The following CHD9 variants were observed in gnomAD, a reference collection of about 807,000 sequenced individuals.
The protein encoded by CHD9 is chromodomain helicase DNA binding protein 9.
A neutral mutation model predicts 316.1 loss-of-function variants in CHD9; 77 were observed. The ratio of observed to expected loss-of-function variants is 0.24; its 90% CI spans 0.20 to 0.29. CHD9 has a LOEUF of 0.29. CHD9 is among the 10% of genes least tolerant of loss of function. CHD9 has a pLI of 1.00. For synonymous variants in CHD9, 1,129 were observed against 1,158.3 expected, an observed-to-expected ratio of 0.97 and a Z score of 0.51; for missense variants, 2,763 against 3,438.1, an observed-to-expected ratio of 0.80 and a Z score of 4.91.
At chr16:53,282,177 A>G (rs1244250877) in intron 24 of CHD9, among the ~76,000 whole-genome samples, 1 of 152,072 alleles carries the variant, frequency 6.6e-6, no homozygotes, top group African/African-American at 2.4e-5. Context: ...TTGGATTTTA[A>G]CATGTTTACA....
At chr16:53,146,176 A>G (rs2040556941) in intron 1 of CHD9, among the ~76,000 whole-genome samples, 1 of 148,900 alleles carries the variant, frequency 6.7e-6, no homozygotes, top group African/African-American at 2.5e-5. Flanking sequence ...TCATGAGGCC[A>G]GGAGTTCGAG....
chr16:53,269,913 A>G (rs2052071868), intron 22 of CHD9, among the ~76,000 whole-genome samples: 1 of 152,120 alleles, frequency 6.6e-6, no homozygotes, highest in South Asian at 2.1e-4. Context: ...ATCCTGCTCA[A>G]AATATTGTAG....
chr16:53,261,053 G>C (rs1021286499), intron 19 of CHD9, among the ~76,000 whole-genome samples: 1 of 140,704 alleles, frequency 7.1e-6, no homozygotes, highest in Non-Finnish European at 1.5e-5. Context: ...TACAAAATTA[G>C]TTTTTCAGTA....
intron 1 of CHD9, among the ~76,000 whole-genome samples, chr16:53,124,785 A>T (rs1388249758): frequency 2.0e-5 from 3 of 152,012 alleles, no homozygotes; most frequent in Admixed American, 6.6e-5. Flanking sequence ...CAGCCTCGTG[A>T]GACTTACTAT....
chr16:53,305,661 A>G (rs897098813), intron 31 of CHD9, among the ~76,000 whole-genome samples: 10 of 152,216 alleles, frequency 6.6e-5, no homozygotes, highest in African/African-American at 2.4e-4. Flanking sequence ...AATGCTTGTC[A>G]GCAGAACAGT....
chr16:53,150,563 T>C (rs2041017714), intron 1 of CHD9, among the ~76,000 whole-genome samples: 2 of 152,214 alleles, frequency 1.3e-5, no homozygotes, highest in African/African-American at 4.8e-5. Flanking sequence ...TATAATTACC[T>C]TTAGCAGCAT....
chr16:53,106,473 C>T (rs954080432), intron 1 of CHD9, among the ~76,000 whole-genome samples: 3 of 152,190 alleles, frequency 2.0e-5, no homozygotes, highest in African/African-American at 7.2e-5. Flanking sequence ...AGCTGGAAGG[C>T]AGTGCTTAAA....
At chr16:53,202,193 A>G (rs1291511193) in intron 2 of CHD9, among the ~76,000 whole-genome samples, 1 of 152,042 alleles carries the variant, frequency 6.6e-6, no homozygotes, top group African/African-American at 2.4e-5. Context: ...CAACTACAAA[A>G]CCAGTTTCAC....
In CHD9 at chr16:53,157,041, A is replaced by C. The variant is rs2041567994; in HGVS notation, c.952A>C (p.Lys318Gln). The change falls in exon 2 of 39, where the codon AAG becomes CAG. Residue 318 changes from lysine to glutamine, a missense_variant. Transcript: ENST00000447540. ...SNSFSPHRGI[K>Q]QESTQHILNP... is the part of the protein sequence containing the mutation. ...TTCCTTTTCACCTCATAGAGGAATCAAGCAAGAATCTACTCAGCATATCCT... is the reference window on the plus strand; with the variant it reads ...TTCCTTTTCACCTCATAGAGGAATCCAGCAAGAATCTACTCAGCATATCCT... The C allele has an allele frequency of 6.2e-7, 1 of 1,613,180 alleles. No individual in the cohort carries two copies.
rs767442053 is a variant in CHD9, at chr16:53,180,028, C to CT, written c.1452+22503dup. Among the ~76,000 whole-genome samples the CT allele has an allele frequency of 5.1e-3, 685 of 135,548 alleles. 15 individuals carry two copies. Among genetic ancestry groups the CT allele is most frequent in the Middle Eastern group, 0.035 (9 of 254 alleles). 88.9% of individuals were successfully genotyped at this position (135,548 alleles called of 152,430 possible). A position where few individuals can be genotyped will look rare whatever the true frequency, so the allele number is the denominator to read the frequency against. ...AGTTCTTGAATTGTTACCTTACCTT[C>CT]TTTTTTTTTTTTTTTTGAGACTGAG... On this transcript the variant is annotated intron_variant, in intron 2 of 38. Coordinates refer to ENST00000447540, the MANE Select transcript of CHD9 (RefSeq NM_001308319.2).
At chr16:53,199,204 C>G (rs934659720) in intron 2 of CHD9, among the ~76,000 whole-genome samples, 1 of 152,086 alleles carries the variant, frequency 6.6e-6, no homozygotes, top group African/African-American at 2.4e-5. Context: ...GTCATAGTTA[C>G]ACTTTTATTA....
chr16:53,305,010 G>A lies in CHD9; in HGVS notation c.6619+385G>A, dbSNP rs1352672778. Among the ~76,000 whole-genome samples the A allele has an allele frequency of 2.7e-5, 4 of 150,800 alleles. No individual in the cohort carries two copies. The East Asian group carries it at 8.0e-4, about 30-fold the overall frequency. ...GGCCTGGCCTAATATAACTTTTCAA[G>A]TGAAAATGAAAAGAACTCGTTTCAG... On this transcript the variant is annotated intron_variant, in intron 31 of 38. Transcript: ENST00000447540.
chr16:53,194,361 G>C (rs376360849), intron 2 of CHD9, among the ~76,000 whole-genome samples: 6 of 152,184 alleles, frequency 3.9e-5, no homozygotes, highest in East Asian at 3.9e-4. Flanking sequence ...GGATCACTGA[G>C]CCCAGGAGTT....
intron 1 of CHD9, among the ~76,000 whole-genome samples, chr16:53,110,318 G>A (rs1010600888): frequency 6.6e-6 from 1 of 152,322 alleles, no homozygotes; most frequent in South Asian, 2.1e-4. Context: ...TTGGCTGGGT[G>A]CAGTGCCTCA....
intron 1 of CHD9, among the ~76,000 whole-genome samples, chr16:53,118,735 A>G (rs2038505541): frequency 6.6e-6 from 1 of 152,062 alleles, no homozygotes; most frequent in South Asian, 2.1e-4. Context: ...TAGATATCAT[A>G]ATGATGTCTT....
chr16:53,112,595 A>G (rs912304320), intron 1 of CHD9, among the ~76,000 whole-genome samples: 2 of 152,232 alleles, frequency 1.3e-5, no homozygotes, highest in Non-Finnish European at 1.5e-5. Context: ...ATCCTAAGTC[A>G]ATATTTTTAA....
At chr16:53,148,434 A>G (rs1349699357) in intron 1 of CHD9, among the ~76,000 whole-genome samples, 1 of 151,906 alleles carries the variant, frequency 6.6e-6, no homozygotes, top group Non-Finnish European at 1.5e-5. Context: ...CCACCACACT[A>G]TTTTCCACAG....
At chr16:53,182,268 C>G (rs2043589957) in intron 2 of CHD9, among the ~76,000 whole-genome samples, 1 of 152,098 alleles carries the variant, frequency 6.6e-6, no homozygotes, top group East Asian at 1.9e-4. Flanking sequence ...AATCATGGAT[C>G]ACTGCAGCCT....
chr16:53,231,879 T>C (rs1597547626), intron 10 of CHD9, 95 bp downstream of exon 10: 1 of 1,184,666 alleles, frequency 8.4e-7, no homozygotes, highest in Non-Finnish European at 1.2e-6. Flanking sequence ...TACTTTCATT[T>C]CTTTTAAACA....
Sources: gnomAD v4.1 joint callset for allele counts (sites outside exome capture counted in the v4.1 genomes callset) on GRCh38, gnomAD v4.1.1 for gene constraint, MANE v1.5 for transcripts, NCBI Gene and HGNC (gene_info 2026-07-23, HGNC 2026-07-21) for gene names.